DTNB: variants seen among roughly 807,000 people sequenced by gnomAD.
The protein encoded by DTNB is DTN-B.
A neutral mutation model predicts 90.7 loss-of-function variants in DTNB; 63 were observed. The ratio of observed to expected loss-of-function variants is 0.69; its 90% CI spans 0.57 to 0.86. The LOEUF (loss-of-function observed/expected upper bound fraction) is 0.86. Ranked by LOEUF, DTNB falls within the 40% of genes least tolerant of loss-of-function variation. The pLI is 0.00. For synonymous variants in DTNB, 277 were observed against 286.7 expected, an observed-to-expected ratio of 0.97 and a Z score of 0.34; for missense variants, 744 against 807.1, an observed-to-expected ratio of 0.92 and a Z score of 0.95.
At chr2:25,457,811 T>C (rs1219014604) in intron 10 of DTNB, among the ~76,000 whole-genome samples, 4 of 152,142 alleles carry the variant, frequency 2.6e-5, no homozygotes, top group Non-Finnish European at 2.9e-5. Context: ...TTAGAAAGCG[T>C]AGCATTCCTG....
chr2:25,511,870 T>C (rs2074017296), intron 9 of DTNB, among the ~76,000 whole-genome samples: 1 of 152,186 alleles, frequency 6.6e-6, no homozygotes, highest in South Asian at 2.1e-4. Flanking sequence ...CAGCTGGATT[T>C]ATATAGAATT....
At chr2:25,536,973 C>T (rs529657758) in intron 8 of DTNB, among the ~76,000 whole-genome samples, 1 of 152,056 alleles carries the variant, frequency 6.6e-6, no homozygotes, top group Admixed American at 6.5e-5. Flanking sequence ...AATCTCCTGA[C>T]CTCGTGAACC....
chr2:25,460,327 G>A (rs1190600523), intron 10 of DTNB, among the ~76,000 whole-genome samples: 11 of 152,118 alleles, frequency 7.2e-5, no homozygotes, highest in Admixed American at 6.6e-4. Context: ...ATATCCAAGC[G>A]AAGGTACTCA....
At chr2:25,660,767 T>C (rs1253845226) in intron 1 of DTNB, among the ~76,000 whole-genome samples, 2 of 152,216 alleles carry the variant, frequency 1.3e-5, no homozygotes, top group African/African-American at 4.8e-5. Context: ...TTGTTTCTAG[T>C]TTTGTTTTTT....
At chr2:25,427,711 G>A (rs1400705609) in intron 14 of DTNB, 80 bp from the exon 15 acceptor site, 1 of 1,348,102 alleles carries the variant, frequency 7.4e-7, no homozygotes, top group Non-Finnish European at 1.0e-6. Context: ...TTTCAGACCT[G>A]ATCCTGCTAC....
intron 8 of DTNB, among the ~76,000 whole-genome samples, chr2:25,564,808 T>G (rs776762716): frequency 7.2e-5 from 11 of 152,224 alleles, no homozygotes; most frequent in Non-Finnish European, 1.0e-4. Flanking sequence ...CTTAATTTCA[T>G]TTTCAGATTG....
chr2:25,441,928 T>C (rs900894111), intron 12 of DTNB, among the ~76,000 whole-genome samples: 9 of 152,328 alleles, frequency 5.9e-5, no homozygotes, highest in African/African-American at 1.9e-4. Flanking sequence ...GCTAGGAAGA[T>C]GATGACATGC....
intron 8 of DTNB, chr2:25,558,225 T>C (rs2057690195): frequency 1.0e-6 from 1 of 985,272 alleles, no homozygotes. Context: ...GAGAAAGAGT[T>C]CAACCCTAAA....
intron 9 of DTNB, among the ~76,000 whole-genome samples, chr2:25,520,653 A>C (rs1048857980): frequency 6.6e-6 from 1 of 152,240 alleles, no homozygotes; most frequent in Non-Finnish European, 1.5e-5. Context: ...TTTGTGTTTT[A>C]CCAAAAAGTT....
At chr2:25,410,934 C>CTTT (rs34571788) in intron 16 of DTNB, among the ~76,000 whole-genome samples, 2 of 132,492 alleles carry the variant, frequency 1.5e-5, no homozygotes, top group East Asian at 2.3e-4. Context: ...ACTGCCTTTT[C>CTTT]TTTTTTTTTT....
At position 25,504,210 on chromosome 2, in the gene DTNB, T is replaced by C. The variant is rs528336804; in HGVS notation, c.1002-21337A>G. 5.9e-5 allele frequency among the ~76,000 whole-genome samples: 9 copies of C among 151,506 alleles called. No homozygotes were observed. The East Asian group carries it at 7.8e-4, about 13-fold the overall frequency. Reference sequence around the variant, plus strand: ...TTGAACCCGGCAGGCAGAGTTTGCATTGAGCCAAGATCGCACCACTACACT... The same window carrying C: ...TTGAACCCGGCAGGCAGAGTTTGCACTGAGCCAAGATCGCACCACTACACT... On this transcript the variant is annotated intron_variant, in intron 9 of 20. Transcript: ENST00000406818.
intron 8 of DTNB, among the ~76,000 whole-genome samples, chr2:25,536,086 C>T (rs1311450295): frequency 4.8e-5 from 7 of 144,920 alleles, no homozygotes; most frequent in African/African-American, 1.3e-4. Flanking sequence ...TGGGCCGAGG[C>T]GCTCCTCACT....
At chr2:25,567,269 T>C (rs547298922) in intron 8 of DTNB, among the ~76,000 whole-genome samples, 2 of 152,212 alleles carry the variant, frequency 1.3e-5, no homozygotes, top group East Asian at 1.9e-4. Context: ...CTTTTTCCCA[T>C]GAATACATAT....
chr2:25,623,475 C>G (rs2073317008), intron 4 of DTNB, among the ~76,000 whole-genome samples: 1 of 152,126 alleles, frequency 6.6e-6, no homozygotes, highest in African/African-American at 2.4e-5. Flanking sequence ...TCCTGCTTAC[C>G]CTACTCTCCT....
At chr2:25,545,374 T>C (rs949086408) in intron 8 of DTNB, among the ~76,000 whole-genome samples, 1 of 152,228 alleles carries the variant, frequency 6.6e-6, no homozygotes, top group Admixed American at 6.5e-5. Flanking sequence ...GTGATTGGGT[T>C]TGCAATTTTT....
intron 4 of DTNB, among the ~76,000 whole-genome samples, chr2:25,623,451 G>C (rs1407444986): frequency 1.2e-4 from 18 of 152,264 alleles, no homozygotes; most frequent in Middle Eastern, 3.4e-3. Flanking sequence ...GGGGTCCCTT[G>C]GCAGGACACG....
intron 16 of DTNB, among the ~76,000 whole-genome samples, chr2:25,407,241 G>A (rs1267565636): frequency 6.6e-6 from 1 of 152,148 alleles, no homozygotes; most frequent in Non-Finnish European, 1.5e-5. Context: ...ACCCCTGCAA[G>A]AATCGTCATT....
At chr2:25,484,297 T>A (rs2065668054) in intron 9 of DTNB, among the ~76,000 whole-genome samples, 2 of 152,208 alleles carry the variant, frequency 1.3e-5, no homozygotes, top group South Asian at 2.1e-4. Flanking sequence ...CTGAAAGTCC[T>A]TCTCTCATAT....
Position 25,596,272 on chromosome 2 carries a change from A to G in DTNB, c.449-32T>C, listed in dbSNP as rs2064615193. ...GAACAAAACCAAATAAAGTCAAGCT[A>G]TAAGGAAATATCAGCTTTTTATAAA... On this transcript the variant is annotated intron_variant, in intron 5 of 20. Coordinates refer to ENST00000406818, the MANE Select transcript of DTNB (RefSeq NM_021907.5). 2.6e-6 allele frequency: 4 copies of G among 1,564,772 alleles called. No homozygotes were observed. In the South Asian group the frequency reaches 3.6e-5, roughly 14 times the overall value.
Sources: gnomAD v4.1 joint callset for allele counts (sites outside exome capture counted in the v4.1 genomes callset) on GRCh38, gnomAD v4.1.1 for gene constraint, MANE v1.5 for transcripts, NCBI Gene and HGNC (gene_info 2026-07-23, HGNC 2026-07-21) for gene names.